KCNMA1: variants seen among roughly 807,000 people sequenced by gnomAD.
KCNMA1 encodes the protein potassium calcium-activated channel subfamily M alpha 1.
KCNMA1 carries 29 observed loss-of-function variants against 140.0 expected under a neutral mutation model. The ratio of observed to expected loss-of-function variants is 0.21; its 90% CI spans 0.15 to 0.28. The LOEUF (loss-of-function observed/expected upper bound fraction) is 0.28, where lower values mean the gene tolerates loss of function less well. Among genes scored for constraint, KCNMA1 ranks in the 10% least tolerant of loss-of-function variants. The probability of loss-of-function intolerance (pLI) is 1.00; values close to 1 mark genes in which losing one functional copy is unlikely to be tolerated. For missense variants in KCNMA1, 880 were observed against 1,602.2 expected, an observed-to-expected ratio of 0.55 and a Z score of 7.70; for synonymous variants, 612 against 611.9, an observed-to-expected ratio of 1.00 and a Z score of 0.00.
chr10:77,395,302 A>C (rs2096007377), intron 2 of KCNMA1, among the ~76,000 whole-genome samples: 1 of 152,138 alleles, frequency 6.6e-6, no homozygotes, highest in Admixed American at 6.5e-5. Flanking sequence ...GGGAGCTATG[A>C]TTGCACCAAT....
At chr10:77,397,467 A>C (rs868176479) in intron 2 of KCNMA1, among the ~76,000 whole-genome samples, 9 of 152,328 alleles carry the variant, frequency 5.9e-5, no homozygotes, top group Middle Eastern at 3.4e-3. Context: ...TCAAACATTT[A>C]TCTTTGTGTT....
intron 29 of KCNMA1, among the ~76,000 whole-genome samples, chr10:76,878,134 G>C (rs184133168): frequency 6.6e-6 from 1 of 152,134 alleles, no homozygotes; most frequent in Non-Finnish European, 1.5e-5. Context: ...CACCATGGGC[G>C]GACCTCAGAG....
rs2085999426 is a variant in KCNMA1, at chr10:77,000,834, T to C, written c.2266+573A>G. ...TGGCACTGGAGGAATGAGGCACAGGTTAGAGAGACATAGTAAAAAGAAAAT... is the reference window on the plus strand; with the variant it reads ...TGGCACTGGAGGAATGAGGCACAGGCTAGAGAGACATAGTAAAAAGAAAAT... On this transcript the variant is annotated intron_variant, in intron 19 of 27. Transcript: ENST00000286628. Among the ~76,000 whole-genome samples the C allele has an allele frequency of 2.9e-5, 3 of 104,490 alleles. No individual in the cohort carries two copies. The Admixed American group carries it at 3.5e-4, about 12-fold the overall frequency. The allele number at this position is 104,490 out of a possible 152,430, so 68.5% of individuals were successfully genotyped here.
intron 1 of KCNMA1, among the ~76,000 whole-genome samples, chr10:77,419,001 C>G (rs1166046398): frequency 6.6e-6 from 1 of 152,130 alleles, no homozygotes; most frequent in Non-Finnish European, 1.5e-5. Context: ...TGTCAGTAAC[C>G]TGAATGCCAA....
Position 77,088,457 on chromosome 10 carries a change from TG to T in KCNMA1, c.1335-1865del, listed in dbSNP as rs2096743444. 3.9e-5 allele frequency among the ~76,000 whole-genome samples: 6 copies of T among 152,218 alleles called. No individual in the cohort carries two copies. The South Asian group carries it at 1.2e-3, about 32-fold the overall frequency. Reference sequence around the variant, plus strand: ...TGTTTTGTTTTGTTTTGTTTTGTTTTGTTTTTTGGAGACAGGGACTGGAGTG... The same window carrying T: ...TGTTTTGTTTTGTTTTGTTTTGTTTTTTTTTTGGAGACAGGGACTGGAGTG... On this transcript the variant is annotated intron_variant, in intron 10 of 27. Transcript: ENST00000286628.
chr10:76,947,965 A>G (rs1433334142), intron 22 of KCNMA1, among the ~76,000 whole-genome samples: 4 of 150,862 alleles, frequency 2.7e-5, no homozygotes, highest in Non-Finnish European at 5.9e-5. Context: ...CAGACTTCTT[A>G]ACATGTAGAG....
In KCNMA1 at chr10:77,521,550, T is replaced by C. The variant is rs189168995; in HGVS notation, c.378+115715A>G. On this transcript the variant is annotated intron_variant, in intron 1 of 27. Coordinates refer to ENST00000286628, the MANE Select transcript of KCNMA1 (RefSeq NM_001161352.2). ...CCTCAGTTTCCTCATCTGTAAACCA[T>C]GGATAACAGAGAACCTCTTTGGAGA... Among the ~76,000 whole-genome samples, 41 of 152,342 alleles carry C rather than the reference T, an allele frequency of 2.7e-4. No individual in the cohort carries two copies. The East Asian group carries it at 3.1e-3, about 11-fold the overall frequency.
chr10:77,061,700 A>G (rs968469356), intron 14 of KCNMA1, among the ~76,000 whole-genome samples: 1 of 152,220 alleles, frequency 6.6e-6, no homozygotes, highest in African/African-American at 2.4e-5. Context: ...ACAAACTTCC[A>G]TGTAAATGTT....
intron 3 of KCNMA1, among the ~76,000 whole-genome samples, chr10:77,213,722 C>T (rs970087222): frequency 2.6e-5 from 4 of 152,130 alleles, no homozygotes; most frequent in Admixed American, 1.3e-4. Context: ...TGCTGATTGT[C>T]GGTGACCCTT....
chr10:77,570,593 A>ACGGGGAG (rs1555460549), intron 1 of KCNMA1, among the ~76,000 whole-genome samples: 1 of 40,858 alleles, frequency 2.4e-5, no homozygotes, highest in Non-Finnish European at 4.5e-5. Flanking sequence ...GTTGTGGGGT[A>ACGGGGAG]GGGGGAGGGG....
At chr10:77,163,111 G>T (rs1270318968) in intron 5 of KCNMA1, among the ~76,000 whole-genome samples, 8 of 152,208 alleles carry the variant, frequency 5.3e-5, no homozygotes, top group African/African-American at 2.4e-5. Flanking sequence ...TATAGCAGGG[G>T]TTGGTAAACT....
chr10:77,075,653 T>C (rs190879246), intron 13 of KCNMA1, among the ~76,000 whole-genome samples: 57 of 152,310 alleles, frequency 3.7e-4, no homozygotes, highest in Admixed American at 4.6e-4. Flanking sequence ...GGCCATGTGA[T>C]TATATAGAAA....
intron 2 of KCNMA1, among the ~76,000 whole-genome samples, chr10:77,251,554 G>A (rs2059666637): frequency 6.6e-6 from 1 of 152,104 alleles, no homozygotes; most frequent in Non-Finnish European, 1.5e-5. Context: ...AATTGTAGTT[G>A]ATAAACTTCA....
intron 19 of KCNMA1, among the ~76,000 whole-genome samples, chr10:76,994,003 T>C (rs529977889): frequency 6.6e-6 from 1 of 152,312 alleles, no homozygotes; most frequent in African/African-American, 2.4e-5. Context: ...AAGTGACTTA[T>C]CCATCATATT....
chr10:77,548,858 G>A (rs1423802488), intron 1 of KCNMA1, among the ~76,000 whole-genome samples: 4 of 152,194 alleles, frequency 2.6e-5, no homozygotes, highest in Non-Finnish European at 5.9e-5. Context: ...ATTATGCTAA[G>A]CACTTGGGAT....
intron 3 of KCNMA1, among the ~76,000 whole-genome samples, chr10:77,230,154 C>A (rs989717501): frequency 6.6e-6 from 1 of 152,170 alleles, no homozygotes; most frequent in African/African-American, 2.4e-5. Context: ...GTGGATGAAC[C>A]TTGAAAGCAT....
chr10:77,517,102 G>A (rs985002881), intron 1 of KCNMA1, among the ~76,000 whole-genome samples: 23 of 152,110 alleles, frequency 1.5e-4, no homozygotes, highest in African/African-American at 5.6e-4. Flanking sequence ...TGAAAAAGGT[G>A]CTGGTGCTTT....
intron 1 of KCNMA1, among the ~76,000 whole-genome samples, chr10:77,540,829 C>T (rs923362406): frequency 2.0e-5 from 3 of 151,972 alleles, no homozygotes; most frequent in African/African-American, 7.3e-5. Context: ...GGCGAAACCC[C>T]AACTCTACTA....
At chr10:77,630,182 T>A (rs2093011976) in intron 1 of KCNMA1, among the ~76,000 whole-genome samples, 1 of 152,208 alleles carries the variant, frequency 6.6e-6, no homozygotes, top group African/African-American at 2.4e-5. Flanking sequence ...GCAGTCTTAA[T>A]GCCCACTGAC....
Sources: allele counts gnomAD v4.1 joint callset (sites outside exome capture counted in the v4.1 genomes callset), GRCh38; gene constraint gnomAD v4.1.1; transcripts MANE v1.5; gene names NCBI Gene and HGNC (gene_info 2026-07-23, HGNC 2026-07-21).